The following BABAM2 variants were observed in gnomAD, a reference collection of about 807,000 sequenced individuals.
The protein encoded by BABAM2 is BRISC and BRCA1-A complex member 2.
A neutral mutation model predicts 54.7 loss-of-function variants in BABAM2; 31 were observed. The ratio of observed to expected loss-of-function variants is 0.57; its 90% confidence interval spans 0.43 to 0.77. The LOEUF is 0.77. BABAM2 is among the 30% of genes least tolerant of loss of function. The pLI, the probability that BABAM2 is intolerant of heterozygous loss-of-function variation, is 0.00. For synonymous variants in BABAM2, 167 were observed against 162.9 expected (o/e 1.03, Z -0.19); for missense variants, 364 against 455.8 (o/e 0.80, Z 1.83).
At chr2:28,106,021 A>T (rs1404957160) in intron 6 of BABAM2, among the ~76,000 whole-genome samples, 1 of 152,062 alleles carries the variant, frequency 6.6e-6, no homozygotes, top group Non-Finnish European at 1.5e-5. Context: ...TAGAAATGTA[A>T]GAACAATAAA....
chr2:27,957,330 C>T (rs1670160080), intron 3 of BABAM2, among the ~76,000 whole-genome samples: 1 of 152,182 alleles, frequency 6.6e-6, no homozygotes, highest in Non-Finnish European at 1.5e-5. Flanking sequence ...TTTTGAAGTA[C>T]AGTATTTGAT....
At chr2:28,018,059 A>G (rs1394989652) in intron 4 of BABAM2, among the ~76,000 whole-genome samples, 2 of 152,200 alleles carry the variant, frequency 1.3e-5, no homozygotes, top group Non-Finnish European at 2.9e-5. Context: ...TAAATTCTTT[A>G]GTGGCAATTT....
chr2:28,104,574 CTT>C (rs1185175178), intron 6 of BABAM2, among the ~76,000 whole-genome samples: 1 of 152,168 alleles, frequency 6.6e-6, no homozygotes, highest in African/African-American at 2.4e-5. Context: ...AATAGGAACA[CTT>C]TTACACTGTT....
intron 10 of BABAM2, among the ~76,000 whole-genome samples, chr2:28,261,608 G>T (rs1252642762): frequency 1.3e-5 from 2 of 152,162 alleles, no homozygotes; most frequent in African/African-American, 4.8e-5. Context: ...AAAGTGCTGG[G>T]ATTACAGGCG....
At chr2:28,120,229 G>A (rs556411678) in intron 6 of BABAM2, among the ~76,000 whole-genome samples, 12 of 152,272 alleles carry the variant, frequency 7.9e-5, no homozygotes, top group South Asian at 4.1e-4. Flanking sequence ...TGTGCCTGGC[G>A]CAGACAATAT....
At chr2:28,192,946 G>T (rs1446888827) in intron 7 of BABAM2, among the ~76,000 whole-genome samples, 1 of 152,004 alleles carries the variant, frequency 6.6e-6, no homozygotes, top group East Asian at 2.0e-4. Context: ...GCCGAGATGG[G>T]TGGATCGCCT....
intron 7 of BABAM2, among the ~76,000 whole-genome samples, chr2:28,177,867 G>A (rs1240377338): frequency 1.3e-5 from 2 of 151,986 alleles, no homozygotes; most frequent in East Asian, 3.9e-4. Context: ...AGATAAAACA[G>A]ACTTTAAGTG....
At chr2:28,262,960 G>A (rs1258818334) in intron 10 of BABAM2, among the ~76,000 whole-genome samples, 5 of 151,996 alleles carry the variant, frequency 3.3e-5, no homozygotes, top group South Asian at 4.1e-4. Context: ...GAGATGGCCC[G>A]ACCTAGGATG....
At chr2:28,260,299 C>CTTTTTTTTTTTTTT (rs965855673) in intron 10 of BABAM2, among the ~76,000 whole-genome samples, 1 of 120,426 alleles carries the variant, frequency 8.3e-6, no homozygotes. Context: ...TATTTCTTTT[C>CTTTTTTTTTTTTTT]TTTTTTTTTT....
intron 5 of BABAM2, among the ~76,000 whole-genome samples, chr2:28,037,097 G>A (rs1014590917): frequency 1.8e-4 from 27 of 151,884 alleles, no homozygotes; most frequent in Non-Finnish European, 3.5e-4. Flanking sequence ...GAATGGATAA[G>A]GTATTCATAT....
intron 2 of BABAM2, among the ~76,000 whole-genome samples, chr2:27,925,934 A>G (rs1667669662): frequency 6.6e-6 from 1 of 152,192 alleles, no homozygotes; most frequent in Non-Finnish European, 1.5e-5. Context: ...CAGCATTATT[A>G]CTGCACCAGA....
At chr2:28,166,069 G>T (rs1008599725) in intron 7 of BABAM2, among the ~76,000 whole-genome samples, 1 of 152,126 alleles carries the variant, frequency 6.6e-6, no homozygotes, top group African/African-American at 2.4e-5. Context: ...GAGGGAAGAC[G>T]CAGGGAGAAG....
chr2:28,181,804 AGACAAAAT>A (rs1675664646), intron 7 of BABAM2, among the ~76,000 whole-genome samples: 1 of 149,854 alleles, frequency 6.7e-6, no homozygotes, highest in Non-Finnish European at 1.5e-5. Flanking sequence ...TAAAAAAAAA[AGACAAAAT>A]AAAGCAGGGA....
intron 6 of BABAM2, among the ~76,000 whole-genome samples, chr2:28,047,143 T>C (rs963428637): frequency 8.5e-5 from 13 of 152,220 alleles, no homozygotes; most frequent in African/African-American, 3.1e-4. Context: ...TTCTCCATTT[T>C]GTACCCAAGA....
chr2:28,211,965 A>G (rs929777670), intron 7 of BABAM2, among the ~76,000 whole-genome samples: 4 of 152,134 alleles, frequency 2.6e-5, no homozygotes, highest in African/African-American at 9.7e-5. Flanking sequence ...CAAATAGTCT[A>G]TAGCATTAGA....
chr2:28,183,730 G>A (rs1675895612), intron 7 of BABAM2, among the ~76,000 whole-genome samples: 1 of 31,000 alleles, frequency 3.2e-5, no homozygotes, highest in Non-Finnish European at 7.3e-5. Flanking sequence ...TGTTACTTTT[G>A]GATGAAGATC....
chr2:28,316,751 G>A (rs921108767), intron 11 of BABAM2, among the ~76,000 whole-genome samples: 11 of 152,174 alleles, frequency 7.2e-5, no homozygotes, highest in South Asian at 6.2e-4. Flanking sequence ...GCGTGTGTGA[G>A]TGACTTGACA....
At position 28,152,034 on chromosome 2, in the gene BABAM2, A is replaced by T. The variant is rs1672101009; in HGVS notation, c.680+22654A>T. Among the ~76,000 whole-genome samples, 3 of 152,212 alleles carry T rather than the reference A, an allele frequency of 2.0e-5. No homozygotes were observed. The South Asian group carries it at 6.2e-4, about 32-fold the overall frequency. ...CAGGGGGCTGTTTTTATTTCAAAGG[A>T]TGATTTAAATCTACCATGTTAGAAT... On this transcript the variant is annotated intron_variant, in intron 7 of 11. Transcript: ENST00000379624.
At chr2:27,928,417 T>C (rs373829003) in intron 2 of BABAM2, among the ~76,000 whole-genome samples, 26 of 152,014 alleles carry the variant, frequency 1.7e-4, no homozygotes, top group African/African-American at 5.1e-4. Context: ...CCCAAAGTGC[T>C]GGGATTATAG....
Sources: allele counts gnomAD v4.1 joint callset (sites outside exome capture counted in the v4.1 genomes callset), GRCh38; gene constraint gnomAD v4.1.1; transcripts MANE v1.5; gene names NCBI Gene and HGNC (gene_info 2026-07-23, HGNC 2026-07-21).